Variants in KSR1 observed in about 807,000 individuals in gnomAD.
KSR1 encodes the protein kinase suppressor of ras 1.
A neutral mutation model predicts 92.9 loss-of-function variants in KSR1; 35 were observed. The observed-to-expected ratio is 0.38, with a 90% CI of 0.29 to 0.50. The LOEUF is 0.50. Among genes scored for constraint, KSR1 ranks in the 20% least tolerant of loss-of-function variants. The pLI, the probability that KSR1 is intolerant of heterozygous loss-of-function variation, is 0.94. For synonymous variants in KSR1, 467 were observed against 472.6 expected, an observed-to-expected ratio of 0.99 and a Z score of 0.15; for missense variants, 972 against 1,158.5, an observed-to-expected ratio of 0.84 and a Z score of 2.34.
chr17:27,554,079 G>T (rs558915736), intron 2 of KSR1, among the ~76,000 whole-genome samples: 3 of 152,312 alleles, frequency 2.0e-5, no homozygotes, highest in East Asian at 1.9e-4. Context: ...GGCTCTGTAA[G>T]TTCTGCCCAT....
At chr17:27,497,707 A>G (rs1312753672) in intron 1 of KSR1, among the ~76,000 whole-genome samples, 1 of 152,250 alleles carries the variant, frequency 6.6e-6, no homozygotes, top group African/African-American at 2.4e-5. Context: ...AAGTGAGTAG[A>G]TTTAAGAGAA....
chr17:27,535,381 C>T (rs901381453), intron 1 of KSR1, among the ~76,000 whole-genome samples: 5 of 152,170 alleles, frequency 3.3e-5, no homozygotes, highest in African/African-American at 1.2e-4. Context: ...AGAAAGAATG[C>T]ACAGTCATGT....
chr17:27,466,119 CA>C (rs1028957087), intron 1 of KSR1, among the ~76,000 whole-genome samples: 26 of 152,206 alleles, frequency 1.7e-4, no homozygotes, highest in African/African-American at 6.3e-4. Context: ...CTTATTTGTC[CA>C]GGGGATCTTT....
At chr17:27,499,000 CAAGT>C (rs1442968507) in intron 1 of KSR1, among the ~76,000 whole-genome samples, 1 of 152,106 alleles carries the variant, frequency 6.6e-6, no homozygotes, top group Non-Finnish European at 1.5e-5. Flanking sequence ...AATTAGAAGT[CAAGT>C]AAGCCAGGGT....
At chr17:27,567,739 G>A (rs1050102482) in intron 2 of KSR1, among the ~76,000 whole-genome samples, 2 of 152,270 alleles carry the variant, frequency 1.3e-5, no homozygotes, top group African/African-American at 2.4e-5. Context: ...GGCAGGGAAT[G>A]CGTGCTGGAA....
chr17:27,499,828 A>C (rs1041929003), intron 1 of KSR1, among the ~76,000 whole-genome samples: 1 of 152,212 alleles, frequency 6.6e-6, no homozygotes, highest in Non-Finnish European at 1.5e-5. Context: ...GCCACCACCA[A>C]AGCAGAGGGG....
chr17:27,565,450 C>T (rs2072024445), intron 2 of KSR1, among the ~76,000 whole-genome samples: 1 of 152,196 alleles, frequency 6.6e-6, no homozygotes, highest in African/African-American at 2.4e-5. Context: ...TTTGAGATGG[C>T]ATCTCACCCT....
intron 11 of KSR1, 135 bp from the exon 12 acceptor site, chr17:27,603,699 G>A (rs2241904): frequency 0.14 from 117,382 of 829,902 alleles, 9,491 homozygotes; most frequent in Admixed American, 0.26. Flanking sequence ...GTCCTTGTGG[G>A]AGTGTCTGGG....
chr17:27,597,574 C>A, intron 10 of KSR1, 138 bp downstream of exon 10: 1 of 888,830 alleles, frequency 1.1e-6, no homozygotes, highest in Non-Finnish European at 1.7e-6. Context: ...GTCCGGCGCC[C>A]CAAGCACAAT....
At chr17:27,530,306 G>A (rs902319782) in intron 1 of KSR1, among the ~76,000 whole-genome samples, 1 of 152,132 alleles carries the variant, frequency 6.6e-6, no homozygotes, top group Non-Finnish European at 1.5e-5. Context: ...TTAGTTGGGT[G>A]TAGTTGTGTG....
chr17:27,463,794 A>G (rs1418445819), intron 1 of KSR1, among the ~76,000 whole-genome samples: 3 of 152,214 alleles, frequency 2.0e-5, no homozygotes, highest in Admixed American at 6.5e-5. Context: ...AAGTCACTTT[A>G]ACTGCATTCT....
intron 1 of KSR1, among the ~76,000 whole-genome samples, chr17:27,502,843 C>T (rs1311705920): frequency 6.6e-6 from 1 of 152,196 alleles, no homozygotes; most frequent in Admixed American, 6.5e-5. Flanking sequence ...GAGTGGCTCC[C>T]TTGGCTCTCT....
chr17:27,505,827 T>C (rs1171912554), intron 1 of KSR1, among the ~76,000 whole-genome samples: 1 of 152,248 alleles, frequency 6.6e-6, no homozygotes, highest in Non-Finnish European at 1.5e-5. Flanking sequence ...TGCTTCCAGT[T>C]GGTTCTTTGA....
chr17:27,500,984 T>C (rs1361147929), intron 1 of KSR1, among the ~76,000 whole-genome samples: 1 of 152,220 alleles, frequency 6.6e-6, no homozygotes, highest in Non-Finnish European at 1.5e-5. Context: ...CAATGGCGGA[T>C]GTTTTTCAAG....
At chr17:27,494,522 T>C (rs1398422141) in intron 1 of KSR1, among the ~76,000 whole-genome samples, 1 of 152,184 alleles carries the variant, frequency 6.6e-6, no homozygotes, top group Non-Finnish European at 1.5e-5. Flanking sequence ...GTGCCTTAAA[T>C]GGACCCAGGG....
At chr17:27,463,286 G>C (rs987215893) in intron 1 of KSR1, among the ~76,000 whole-genome samples, 1 of 152,100 alleles carries the variant, frequency 6.6e-6, no homozygotes, top group Admixed American at 6.5e-5. Context: ...GAGGCTGGTG[G>C]ATAGCTTGAG....
At chr17:27,504,851 C>T (rs1029764018) in intron 1 of KSR1, among the ~76,000 whole-genome samples, 22 of 152,328 alleles carry the variant, frequency 1.4e-4, no homozygotes, top group Middle Eastern at 6.8e-3. Flanking sequence ...GCCGGCTTAT[C>T]CTGGCCCAGA....
chr17:27,600,808 G>C (rs2073528794), intron 10 of KSR1, among the ~76,000 whole-genome samples: 4 of 152,230 alleles, frequency 2.6e-5, no homozygotes, highest in African/African-American at 9.6e-5. Context: ...GACAGCTGGA[G>C]AGGTTAGCCA....
At chr17:27,544,356 A>T (rs1045277954) in intron 1 of KSR1, among the ~76,000 whole-genome samples, 1 of 152,210 alleles carries the variant, frequency 6.6e-6, no homozygotes. Context: ...CCATAAAATG[A>T]TACTCTTTTT....
Sources: allele counts gnomAD v4.1 joint callset (sites outside exome capture counted in the v4.1 genomes callset), GRCh38; gene constraint gnomAD v4.1.1; transcripts MANE v1.5; gene names NCBI Gene and HGNC (gene_info 2026-07-23, HGNC 2026-07-21).